DLGAP2: variants seen among roughly 807,000 people sequenced by gnomAD.
DLGAP2 encodes DLG associated protein 2, also known as disks large-associated protein 2.
DLGAP2 carries 26 observed loss-of-function variants against 100.3 expected under a neutral mutation model. That is an observed-to-expected ratio of 0.26 (90% confidence interval 0.19 to 0.36). The LOEUF is 0.36. DLGAP2 is among the 10% of genes least tolerant of loss of function. The pLI is 1.00. For synonymous variants in DLGAP2, 886 were observed against 630.1 expected (o/e 1.41, Z -6.08); for missense variants, 1,858 against 1,453.2 (o/e 1.28, Z -4.53).
chr8:888,515 C>T (rs1797967313), intron 1 of DLGAP2, among the ~76,000 whole-genome samples: 1 of 150,904 alleles, frequency 6.6e-6, no homozygotes, highest in Non-Finnish European at 1.5e-5. Context: ...GTGAGTTTGT[C>T]TAATTTTGGT....
intron 2 of DLGAP2, among the ~76,000 whole-genome samples, chr8:1,192,688 A>G (rs997447271): frequency 7.2e-6 from 1 of 139,330 alleles, no homozygotes; most frequent in Non-Finnish European, 1.5e-5. Context: ...AATTATTATT[A>G]TACTTTAAGT....
At chr8:1,066,884 A>C (rs923117974) in intron 2 of DLGAP2, among the ~76,000 whole-genome samples, 5 of 152,128 alleles carry the variant, frequency 3.3e-5, no homozygotes, top group Admixed American at 6.5e-5. Flanking sequence ...ATTTCTTCTT[A>C]AGTCACCGTC....
At chr8:905,426 C>G (rs1377152283) in intron 1 of DLGAP2, among the ~76,000 whole-genome samples, 4 of 152,144 alleles carry the variant, frequency 2.6e-5, no homozygotes. Flanking sequence ...TACCATGCGT[C>G]TGAACTGGTG....
intron 2 of DLGAP2, among the ~76,000 whole-genome samples, chr8:1,052,326 A>G (rs746804815): frequency 7.9e-5 from 12 of 152,234 alleles, no homozygotes; most frequent in Non-Finnish European, 1.5e-4. Flanking sequence ...AAACCATGCC[A>G]AATGCCATGG....
chr8:1,356,317 G>A (rs367860417), intron 3 of DLGAP2, among the ~76,000 whole-genome samples: 1 of 152,136 alleles, frequency 6.6e-6, no homozygotes, highest in East Asian at 1.9e-4. Context: ...CTCACCTTAC[G>A]GTTTCAACGT....
chr8:1,075,150 G>A lies in DLGAP2; in HGVS notation c.73+167184G>A, dbSNP rs114399016. Among the ~76,000 whole-genome samples the A allele has an allele frequency of 7.3e-3, 1,109 of 152,328 alleles. 24 individuals carry two copies. Among genetic ancestry groups the A allele is most frequent in the African/African-American group, 0.024 (1,014 of 41,588 alleles). The stretch of plus-strand genomic sequence containing the variant: ...GACTCAATGGAGTTCACCACTTGGG[G>A]CTGAGACAAACAGCCCCTCCTTTTC... On this transcript the variant is annotated intron_variant, in intron 2 of 14. Coordinates refer to ENST00000637795, the MANE Select transcript of DLGAP2 (RefSeq NM_001346810.2).
intron 2 of DLGAP2, among the ~76,000 whole-genome samples, chr8:1,212,465 G>A (rs1321243853): frequency 1.3e-5 from 2 of 152,300 alleles, no homozygotes; most frequent in Admixed American, 1.3e-4. Context: ...TGTCTAGTTA[G>A]TATGAACCAG....
At chr8:1,431,223 T>C (rs73172528) in intron 3 of DLGAP2, among the ~76,000 whole-genome samples, 32,327 of 152,256 alleles carry the variant, frequency 0.21, 3,858 homozygotes, top group Middle Eastern at 0.29. Flanking sequence ...AGTTACATTT[T>C]CTGTCAATCT....
intron 6 of DLGAP2, among the ~76,000 whole-genome samples, chr8:1,601,020 G>T (rs938430659): frequency 2.6e-5 from 4 of 152,150 alleles, no homozygotes; most frequent in Non-Finnish European, 5.9e-5. Context: ...ATCTATCTTT[G>T]TTCTTTGATG....
chr8:1,202,670 C>CG (rs1797904978), intron 2 of DLGAP2, among the ~76,000 whole-genome samples: 1 of 152,128 alleles, frequency 6.6e-6, no homozygotes. Flanking sequence ...TTCACCTGTC[C>CG]CAGTCAAGGC....
intron 1 of DLGAP2, among the ~76,000 whole-genome samples, chr8:817,613 G>A (rs958594564): frequency 6.6e-6 from 1 of 152,130 alleles, no homozygotes; most frequent in African/African-American, 2.4e-5. Flanking sequence ...GGAAGATCTG[G>A]GATTCAAGCG....
intron 2 of DLGAP2, among the ~76,000 whole-genome samples, chr8:1,099,700 G>A (rs1270936970): frequency 6.6e-6 from 1 of 152,182 alleles, no homozygotes; most frequent in African/African-American, 2.4e-5. Context: ...AAATCAATTG[G>A]TTTACTTACT....
At chr8:1,087,970 G>T (rs939942998) in intron 2 of DLGAP2, among the ~76,000 whole-genome samples, 23 of 152,306 alleles carry the variant, frequency 1.5e-4, no homozygotes, top group Non-Finnish European at 2.9e-4. Context: ...TGGGCTATGT[G>T]GCCTCCTTAT....
intron 2 of DLGAP2, among the ~76,000 whole-genome samples, chr8:1,205,610 C>T (rs1022462099): frequency 6.6e-6 from 1 of 152,142 alleles, no homozygotes; most frequent in Non-Finnish European, 1.5e-5. Flanking sequence ...GCCGCTGGGA[C>T]GTGGTGCGTG....
rs201486577 is a variant in DLGAP2 at position 1,697,259 on chromosome 8, G to A, written c.2909G>A (p.Arg970Gln). 2.5e-4 allele frequency: 399 copies of A among 1,610,344 alleles called. No individual in the cohort carries two copies. Among genetic ancestry groups the A allele is most frequent in the Non-Finnish European group, 3.1e-4 (366 of 1,177,952 alleles). ...SMKFDELQRL[R>Q]LNDWKMMESP... The stretch of plus-strand genomic sequence containing the variant: ...AAGTTCGACGAGCTGCAGCGGCTGC[G>A]GCTCAACGACTGGAAGATGATGGAG... The change falls in exon 14 of 15, where the codon CGG (arginine) becomes CAG (glutamine). Residue 970 changes from arginine (R) to glutamine (Q), a missense_variant. Transcript: ENST00000637795.
chr8:833,157 C>T (rs1269090106), intron 1 of DLGAP2, among the ~76,000 whole-genome samples: 2 of 152,152 alleles, frequency 1.3e-5, no homozygotes, highest in Admixed American at 6.5e-5. Flanking sequence ...TGATTAAGGC[C>T]GATGTCTGAG....
chr8:1,155,333 C>T (rs568711033), intron 2 of DLGAP2, among the ~76,000 whole-genome samples: 64 of 152,302 alleles, frequency 4.2e-4, no homozygotes, highest in African/African-American at 1.5e-3. Context: ...GAAAGTCCCA[C>T]CGCTTCCTGC....
At chr8:821,613 T>C (rs1796584512) in intron 1 of DLGAP2, among the ~76,000 whole-genome samples, 1 of 152,214 alleles carries the variant, frequency 6.6e-6, no homozygotes, top group South Asian at 2.1e-4. Flanking sequence ...GGAAAGAAAA[T>C]GATCAATTAT....
intron 2 of DLGAP2, among the ~76,000 whole-genome samples, chr8:1,044,780 A>G (rs1802471051): frequency 6.6e-6 from 1 of 152,106 alleles, no homozygotes; most frequent in African/African-American, 2.4e-5. Context: ...CTCGCTATGG[A>G]AGAGCTACCC....
Sources: gnomAD v4.1 joint callset for allele counts (sites outside exome capture counted in the v4.1 genomes callset) on GRCh38, gnomAD v4.1.1 for gene constraint, MANE v1.5 for transcripts, NCBI Gene and HGNC (gene_info 2026-07-23, HGNC 2026-07-21) for gene names.